Variants in ATP6V0A2 observed in about 807,000 individuals in gnomAD.
ATP6V0A2 encodes the protein V-type proton ATPase 116 kDa subunit a 2.
ATP6V0A2 carries 58 observed loss-of-function variants against 104.4 expected under a neutral mutation model. The observed-to-expected ratio is 0.56, with a 90% CI of 0.45 to 0.69. ATP6V0A2 has a LOEUF of 0.69. Ranked by LOEUF, ATP6V0A2 falls within the 30% of genes least tolerant of loss-of-function variation. The pLI is 0.00. For synonymous variants in ATP6V0A2, 376 were observed against 397.9 expected (o/e 0.95, Z 0.65); for missense variants, 938 against 1,062.9 (o/e 0.88, Z 1.63).
chr12:123,740,806 A>G (rs895031344), intron 9 of ATP6V0A2, among the ~76,000 whole-genome samples: 1 of 152,138 alleles, frequency 6.6e-6, no homozygotes, highest in Non-Finnish European at 1.5e-5. Context: ...AGTATGAGGA[A>G]GGGTTCTTCA....
intron 9 of ATP6V0A2, among the ~76,000 whole-genome samples, chr12:123,740,088 G>C (rs1956593706): frequency 6.6e-6 from 1 of 152,078 alleles, no homozygotes; most frequent in African/African-American, 2.4e-5. Context: ...GCTTGAGCCT[G>C]GGAGGTTGAG....
intron 15 of ATP6V0A2, 65 bp downstream of exon 15, chr12:123,748,850 A>G: frequency 6.8e-7 from 1 of 1,478,704 alleles, no homozygotes; most frequent in Non-Finnish European, 9.4e-7. Flanking sequence ...TATTCTGAGC[A>G]GTAGAAGTGT....
chr12:123,731,109 C>T (rs895970025), intron 6 of ATP6V0A2: 2 of 152,154 alleles, frequency 1.3e-5, no homozygotes, highest in Non-Finnish European at 2.9e-5. Context: ...TCCCTGTCCC[C>T]ACGGTTATAA....
At chr12:123,740,005 A>T (rs1956592871) in intron 9 of ATP6V0A2, among the ~76,000 whole-genome samples, 1 of 152,146 alleles carries the variant, frequency 6.6e-6, no homozygotes, top group Admixed American at 6.5e-5. Context: ...TCTCTACAAA[A>T]AACTCAAAAG....
In ATP6V0A2 at chr12:123,752,331, C is replaced by A; in HGVS notation, c.2104C>A (p.Leu702Met). The change falls in exon 17 of 20, where the codon CTG becomes ATG. Residue 702 changes from leucine (L) to methionine (M), a missense_variant. Transcript: ENST00000330342. ...RKDSEEEVSLLGSQDIEEGNH... is the reference protein window; with the variant it reads ...RKDSEEEVSLMGSQDIEEGNH... ...AGATAGTGAGGAAGAAGTTTCATTG[C>A]TGGGAAGCCAAGATATAGAAGAGGG... The A allele has an allele frequency of 6.2e-7, 1 of 1,614,112 alleles. No homozygotes were observed. The highest frequency in any genetic ancestry group is 8.5e-7 in the Non-Finnish European group (1 of 1,180,000).
chr12:123,745,099 C>G (rs910288767), intron 13 of ATP6V0A2, 127 bp downstream of exon 13: 12 of 927,534 alleles, frequency 1.3e-5, no homozygotes, highest in Non-Finnish European at 2.1e-5. Flanking sequence ...GCTCATTAGC[C>G]CCTGTGCATC....
intron 7 of ATP6V0A2, 128 bp downstream of exon 7, chr12:123,734,136 C>A: frequency 1.5e-6 from 1 of 680,086 alleles, no homozygotes. Flanking sequence ...CTTTGCTGCA[C>A]TGCCAAGTTC....
At chr12:123,757,666 T>TTGTG (rs989594733) in intron 19 of ATP6V0A2, among the ~76,000 whole-genome samples, 2 of 151,998 alleles carry the variant, frequency 1.3e-5, no homozygotes, top group Admixed American at 6.6e-5. Context: ...CAGGAGAGGG[T>TTGTG]CTCGTTACTT....
At position 123,744,548 on chromosome 12, in the gene ATP6V0A2, A is replaced by T. The variant is rs552054992; in HGVS notation, c.1327-49A>T. The T allele has an allele frequency of 6.2e-7, 1 of 1,610,326 alleles. No individual in the cohort carries two copies. The highest frequency in any genetic ancestry group is 8.5e-7 in the Non-Finnish European group (1 of 1,178,732). On this transcript the variant is annotated intron_variant, in intron 11 of 19. Transcript: ENST00000330342. This position sits in a 1 kb window ranked among gnomAD's most constrained non-coding sequence, Gnocchi z 5.4. ...TCGTGCCCACACCGACAGCTGTCAC[A>T]TGGACACCCTCCAGTAACCATATTC...
At chr12:123,740,741 CT>C (rs1358440082) in intron 9 of ATP6V0A2, among the ~76,000 whole-genome samples, 37 of 152,122 alleles carry the variant, frequency 2.4e-4, no homozygotes, top group Non-Finnish European at 5.4e-4. Flanking sequence ...TCTTTCGTTA[CT>C]TCTTTTTGAT....
chr12:123,736,069 C>T (rs1246378293), intron 8 of ATP6V0A2, among the ~76,000 whole-genome samples: 3 of 151,852 alleles, frequency 2.0e-5, no homozygotes, highest in African/African-American at 7.3e-5. Context: ...GACAGAGTTT[C>T]GCCATGTTGC....
At chr12:123,719,842 A>C (rs1432893736) in intron 2 of ATP6V0A2, among the ~76,000 whole-genome samples, 1 of 152,124 alleles carries the variant, frequency 6.6e-6, no homozygotes, top group East Asian at 1.9e-4. Flanking sequence ...AAGCCTAAAC[A>C]AACTTTGCCT....
In ATP6V0A2 at chr12:123,727,624, T is replaced by C. The variant is rs77181570; in HGVS notation, c.522-159T>C. On this transcript the variant is annotated intron_variant, in intron 5 of 19. Transcript: ENST00000330342. ...CTCATCTCTACCTTTAAAAAGAAGTTTCAAAAATATTCTGACCAGCACCTG... is the reference window on the plus strand; with the variant it reads ...CTCATCTCTACCTTTAAAAAGAAGTCTCAAAAATATTCTGACCAGCACCTG... Among the ~76,000 whole-genome samples, 3,362 of 152,266 alleles carry C rather than the reference T, an allele frequency of 0.022. 102 individuals are homozygous for C. Among genetic ancestry groups the C allele is most frequent in the African/African-American group, 0.055 (2,298 of 41,548 alleles).
At chr12:123,751,526 C>T (rs1956714121) in intron 16 of ATP6V0A2, among the ~76,000 whole-genome samples, 3 of 152,032 alleles carry the variant, frequency 2.0e-5, no homozygotes. Flanking sequence ...TGGTGGTGTG[C>T]ACCTTTAGTC....
intron 15 of ATP6V0A2, among the ~76,000 whole-genome samples, chr12:123,749,370 G>A (rs535648190): frequency 6.6e-6 from 1 of 152,270 alleles, no homozygotes; most frequent in South Asian, 2.1e-4. Context: ...CCATTTAGAA[G>A]GGACCACCTG....
chr12:123,717,314 CAAAAAAAA>C (rs538974425), intron 1 of ATP6V0A2, among the ~76,000 whole-genome samples: 7 of 106,864 alleles, frequency 6.6e-5, no homozygotes, highest in African/African-American at 2.6e-4. Context: ...AACTCTGTCT[CAAAAAAAA>C]AAAAAAAAAA....
intron 6 of ATP6V0A2, chr12:123,731,128 C>G (rs1352114487): frequency 6.6e-6 from 1 of 152,210 alleles, no homozygotes. Flanking sequence ...AAAGAAAATG[C>G]ATGTCCATTA....
intron 9 of ATP6V0A2, among the ~76,000 whole-genome samples, 187 bp from the exon 10 acceptor site, chr12:123,743,598 A>C (rs1184453229): frequency 6.6e-6 from 1 of 151,896 alleles, no homozygotes. Context: ...GGTTGCGGTG[A>C]GCCGAGATCA....
chr12:123,760,486 T>C lies in ATP6V0A2; in HGVS notation c.*2454T>C, dbSNP rs776825961. The C allele has an allele frequency of 7.2e-5, 11 of 152,350 alleles. No homozygotes were observed. The highest frequency in any genetic ancestry group is 1.3e-4 in the Non-Finnish European group (9 of 68,034). 9.4% of individuals were successfully genotyped at this position (152,350 alleles called of 1,614,324 possible). ...TTAAGGCTTTTGCTAGAACCTATTA[T>C]GTATCCAGTTTTTAAAACATACTTC... On this transcript the variant is annotated 3_prime_UTR_variant, in exon 20 of 20. Transcript: ENST00000330342.
Sources: allele counts gnomAD v4.1 joint callset (sites outside exome capture counted in the v4.1 genomes callset), GRCh38; gene constraint gnomAD v4.1.1; non-coding constraint Gnocchi (gnomAD v3.1); transcripts MANE v1.5; gene names NCBI Gene and HGNC (gene_info 2026-07-23, HGNC 2026-07-21).